The following PARD3B variants were observed in gnomAD, a reference collection of about 807,000 sequenced individuals.
The protein encoded by PARD3B is par-3 family cell polarity regulator beta, also known as partitioning defective 3 homolog B.
In PARD3B, 103 loss-of-function variants were observed where a neutral mutation model predicts 130.2. The observed-to-expected ratio is 0.79, with a 90% CI of 0.67 to 0.93. The LOEUF is 0.93. Among genes scored for constraint, PARD3B ranks in the 40% least tolerant of loss-of-function variants. PARD3B has a pLI of 0.00. For missense variants in PARD3B, 1,609 were observed against 1,499.2 expected (o/e 1.07, Z -1.21); for synonymous variants, 583 against 553.2 (o/e 1.05, Z -0.76).
intron 15 of PARD3B, 36 bp downstream of exon 15, chr2:205,193,356 C>G: frequency 7.0e-7 from 1 of 1,434,838 alleles, no homozygotes; most frequent in Non-Finnish European, 9.8e-7. Context: ...GGTCAGCTCT[C>G]CAGCCTCAGC....
intron 21 of PARD3B, among the ~76,000 whole-genome samples, chr2:205,545,535 T>C (rs2052344528): frequency 6.6e-6 from 1 of 152,196 alleles, no homozygotes; most frequent in Non-Finnish European, 1.5e-5. Flanking sequence ...AGCATGAAAC[T>C]CATTTTTTTG....
intron 18 of PARD3B, among the ~76,000 whole-genome samples, chr2:205,338,274 TG>T (rs920501426): frequency 2.0e-5 from 3 of 152,078 alleles, no homozygotes; most frequent in African/African-American, 7.2e-5. Flanking sequence ...GTTTATGTCT[TG>T]GTCTTAATTC....
intron 2 of PARD3B, among the ~76,000 whole-genome samples, chr2:204,950,947 G>A (rs2125824649): frequency 6.6e-6 from 1 of 152,260 alleles, no homozygotes; most frequent in African/African-American, 2.4e-5. Flanking sequence ...AGGTTCCACT[G>A]GGACTATAAG....
intron 20 of PARD3B, among the ~76,000 whole-genome samples, chr2:205,449,133 T>G (rs1232417259): frequency 8.6e-5 from 11 of 127,250 alleles, no homozygotes; most frequent in Admixed American, 1.9e-4. Context: ...GCCATTGCAC[T>G]CCAGCCTGGG....
intron 1 of PARD3B, among the ~76,000 whole-genome samples, chr2:204,564,387 A>G (rs966000692): frequency 6.6e-6 from 1 of 152,168 alleles, no homozygotes; most frequent in Non-Finnish European, 1.5e-5. Flanking sequence ...GGGAGAGTGT[A>G]TCATGTGGCA....
intron 3 of PARD3B, among the ~76,000 whole-genome samples, chr2:205,005,641 A>T (rs1481926206): frequency 2.0e-5 from 3 of 152,196 alleles, no homozygotes; most frequent in Non-Finnish European, 4.4e-5. Context: ...AAACAGAAAG[A>T]GTATTGATAT....
In PARD3B at chr2:205,405,312, A is replaced by G. The variant is rs56827879; in HGVS notation, c.2741+4189A>G. ...CTGCCTTTTACTGGATAGAGGCTAGAAATGTAGCTAAAAATCTTACAATGC... is the reference window on the plus strand; with the variant it reads ...CTGCCTTTTACTGGATAGAGGCTAGGAATGTAGCTAAAAATCTTACAATGC... On this transcript the variant is annotated intron_variant, in intron 19 of 22. Transcript: ENST00000406610. This position sits in a 1 kb window ranked among gnomAD's most constrained non-coding sequence, Gnocchi z 4.1. Among the ~76,000 whole-genome samples, 4,371 of 152,254 alleles carry G rather than the reference A, an allele frequency of 0.029. 200 individuals are homozygous for G. The highest frequency in any genetic ancestry group is 0.099 in the African/African-American group (4,103 of 41,538).
rs139802272 is a variant in PARD3B at position 204,888,519 on chromosome 2, C to G, written c.223-76633C>G. 8.6e-4 allele frequency among the ~76,000 whole-genome samples: 131 copies of G among 152,100 alleles called. 1 individual carries two copies. The highest frequency in any genetic ancestry group is 2.6e-3 in the Admixed American group (40 of 15,282). On this transcript the variant is annotated intron_variant, in intron 2 of 22. Coordinates refer to ENST00000406610, the MANE Select transcript of PARD3B (RefSeq NM_001302769.2). ...GGCCAAGCCAGGCAGATCTCTTGAG[C>G]TCAGGAATTTGAGACCAGTCTTGGC... is the stretch of plus-strand genomic sequence containing the variant.
At chr2:205,208,784 G>T (rs2037462313) in intron 15 of PARD3B, among the ~76,000 whole-genome samples, 1 of 145,016 alleles carries the variant, frequency 6.9e-6, no homozygotes, top group Non-Finnish European at 1.5e-5. Context: ...CGTGAAAATG[G>T]CCATACTGCC....
chr2:204,835,385 C>G (rs1294428175), intron 2 of PARD3B, among the ~76,000 whole-genome samples: 4 of 152,122 alleles, frequency 2.6e-5, no homozygotes, highest in African/African-American at 9.7e-5. Context: ...TTAACCTGGA[C>G]CTTGAAACAT....
At chr2:204,958,896 T>C (rs184645348) in intron 2 of PARD3B, among the ~76,000 whole-genome samples, 141 of 152,296 alleles carry the variant, frequency 9.3e-4, no homozygotes, top group Non-Finnish European at 7.4e-4. Flanking sequence ...GCAGAGTACA[T>C]GGCTCTTTTT....
At chr2:204,741,795 T>C (rs189520510) in intron 2 of PARD3B, among the ~76,000 whole-genome samples, 1 of 152,304 alleles carries the variant, frequency 6.6e-6, no homozygotes, top group East Asian at 1.9e-4. Flanking sequence ...AGGGATATTA[T>C]GTGCTTCTCA....
At chr2:204,848,295 C>G (rs2044551320) in intron 2 of PARD3B, among the ~76,000 whole-genome samples, 1 of 152,102 alleles carries the variant, frequency 6.6e-6, no homozygotes, top group Non-Finnish European at 1.5e-5. Flanking sequence ...CCACTGTTTA[C>G]TGTCTGTCTT....
At chr2:205,197,041 G>GTA (rs1173930514) in intron 15 of PARD3B, among the ~76,000 whole-genome samples, 31 of 149,516 alleles carry the variant, frequency 2.1e-4, no homozygotes, top group South Asian at 1.7e-3. Flanking sequence ...GGGTGTGTGT[G>GTA]TGTGTGTGTG....
At chr2:205,603,835 A>G (rs2054883342) in intron 22 of PARD3B, among the ~76,000 whole-genome samples, 1 of 152,148 alleles carries the variant, frequency 6.6e-6, no homozygotes, top group South Asian at 2.1e-4. Flanking sequence ...TGGGGCATTT[A>G]GCCCATTTTC....
chr2:204,725,650 A>C (rs1322323916), intron 2 of PARD3B, among the ~76,000 whole-genome samples: 1 of 152,170 alleles, frequency 6.6e-6, no homozygotes, highest in African/African-American at 2.4e-5. Context: ...TCAAACAATA[A>C]GGTTTTATGC....
chr2:205,011,984 A>C lies in PARD3B; in HGVS notation c.395-35597A>C, dbSNP rs1282390502. ...GGGCCAAGGCCTCGTTGGGCATTTT[A>C]CAGGCTTTCTACCCATCCTCTTGCC... On this transcript the variant is annotated intron_variant, in intron 3 of 22. Coordinates refer to ENST00000406610, the MANE Select transcript of PARD3B (RefSeq NM_001302769.2). The surrounding 1 kb of genome is among the most constrained non-coding windows in gnomAD (Gnocchi z 4.1). 6.6e-6 allele frequency among the ~76,000 whole-genome samples: 1 copy of C among 152,140 alleles called. No homozygotes were observed. Among genetic ancestry groups the C allele is most frequent in the Non-Finnish European group, 1.5e-5 (1 of 68,020 alleles).
intron 18 of PARD3B, among the ~76,000 whole-genome samples, chr2:205,358,664 T>C (rs1410622356): frequency 2.0e-5 from 3 of 152,220 alleles, no homozygotes; most frequent in Admixed American, 1.3e-4. Flanking sequence ...GATTTAACCC[T>C]TCCTGACACT....
Position 204,967,283 on chromosome 2 carries a change from C to T in PARD3B, c.394+1960C>T, listed in dbSNP as rs1040949529. On this transcript the variant is annotated intron_variant, in intron 3 of 22. Transcript: ENST00000406610. This position sits in a 1 kb window ranked among gnomAD's most constrained non-coding sequence, Gnocchi z 4.4. The stretch of plus-strand genomic sequence containing the variant: ...CCAGTTCCACCGTTTCCTTCTACCT[C>T]CCCCACTCTGTCAGCTATTCAGCTT... Among the ~76,000 whole-genome samples the T allele has an allele frequency of 4.6e-5, 7 of 152,188 alleles. No homozygotes were observed. Among genetic ancestry groups the T allele is most frequent in the Non-Finnish European group, 8.8e-5 (6 of 68,034 alleles).
Sources: allele counts gnomAD v4.1 joint callset (sites outside exome capture counted in the v4.1 genomes callset), GRCh38; gene constraint gnomAD v4.1.1; non-coding constraint Gnocchi (gnomAD v3.1); transcripts MANE v1.5; gene names NCBI Gene and HGNC (gene_info 2026-07-23, HGNC 2026-07-21).